LRP1B: variants seen among roughly 807,000 people sequenced by gnomAD.
LRP1B encodes LDL receptor related protein 1B.
Under a neutral mutation model 556.6 loss-of-function variants are expected in LRP1B, and 217 were observed. That is an observed-to-expected ratio of 0.39 (90% confidence interval 0.35 to 0.44). The LOEUF (loss-of-function observed/expected upper bound fraction) is 0.44. LRP1B is among the 20% of genes least tolerant of loss of function. The probability of loss-of-function intolerance (pLI) is 1.00; values close to 1 mark genes in which losing one functional copy is unlikely to be tolerated. For synonymous variants in LRP1B, 2,047 were observed against 1,865.8 expected, an observed-to-expected ratio of 1.10 and a Z score of -2.50; for missense variants, 5,053 against 5,620.8, an observed-to-expected ratio of 0.90 and a Z score of 3.23.
At chr2:140,613,320 T>C (rs1277596062) in intron 41 of LRP1B, among the ~76,000 whole-genome samples, 2 of 129,166 alleles carry the variant, frequency 1.5e-5, no homozygotes, top group African/African-American at 5.4e-5. Flanking sequence ...TATAATTATA[T>C]AAATATATAT....
chr2:141,981,542 T>C (rs1221960644), intron 1 of LRP1B, among the ~76,000 whole-genome samples: 2 of 152,120 alleles, frequency 1.3e-5, no homozygotes, highest in East Asian at 3.9e-4. Context: ...TGGCATTTTA[T>C]TCTGTGTTCG....
chr2:140,511,265 G>T, intron 51 of LRP1B, among the ~76,000 whole-genome samples: 1 of 146,752 alleles, frequency 6.8e-6, no homozygotes. Context: ...TAAGCAGTGG[G>T]GTATCAAAAT....
chr2:141,400,769 T>C (rs1690422954), intron 3 of LRP1B, among the ~76,000 whole-genome samples: 3 of 152,194 alleles, frequency 2.0e-5, no homozygotes, highest in Non-Finnish European at 2.9e-5. Flanking sequence ...ACCAAGCACA[T>C]CAAATATTTA....
At chr2:140,266,968 C>T (rs1682233591) in intron 86 of LRP1B, among the ~76,000 whole-genome samples, 1 of 152,026 alleles carries the variant, frequency 6.6e-6, no homozygotes, top group Admixed American at 6.6e-5. Context: ...AGAGTTATAA[C>T]CAGGGTACGC....
At chr2:141,134,827 A>G (rs886960497) in intron 7 of LRP1B, among the ~76,000 whole-genome samples, 1 of 151,422 alleles carries the variant, frequency 6.6e-6, no homozygotes, top group Non-Finnish European at 1.5e-5. Flanking sequence ...TTATATTATT[A>G]TTTTTCATTT....
intron 30 of LRP1B, among the ~76,000 whole-genome samples, chr2:140,840,546 T>C (rs1427519097): frequency 1.3e-5 from 2 of 152,144 alleles, no homozygotes; most frequent in African/African-American, 4.8e-5. Context: ...ATCCAAATGA[T>C]TGAAGAATCT....
chr2:141,700,110 T>C (rs186363025), intron 2 of LRP1B, among the ~76,000 whole-genome samples: 4 of 151,682 alleles, frequency 2.6e-5, no homozygotes, highest in Admixed American at 2.0e-4. Flanking sequence ...TTCTGTTCAT[T>C]AGGCTTCTGG....
intron 82 of LRP1B, among the ~76,000 whole-genome samples, chr2:140,320,538 C>A (rs368565215): frequency 2.3e-4 from 35 of 152,090 alleles, no homozygotes; most frequent in African/African-American, 6.7e-4. Context: ...AATGTCTGTA[C>A]CTCATTGGAA....
chr2:141,792,593 G>C (rs149000072), intron 2 of LRP1B, among the ~76,000 whole-genome samples: 8 of 151,926 alleles, frequency 5.3e-5, no homozygotes, highest in African/African-American at 1.9e-4. Flanking sequence ...TTTCCTAATC[G>C]CTAACAAGTT....
chr2:141,762,527 G>A (rs1055770598), intron 2 of LRP1B, among the ~76,000 whole-genome samples: 1 of 151,702 alleles, frequency 6.6e-6, no homozygotes, highest in African/African-American at 2.4e-5. Context: ...AATATATGGA[G>A]GTTATATATA....
chr2:141,857,888 C>G (rs911555854), intron 1 of LRP1B, among the ~76,000 whole-genome samples: 1 of 152,070 alleles, frequency 6.6e-6, no homozygotes, highest in Non-Finnish European at 1.5e-5. Flanking sequence ...TCACCTTAGC[C>G]CTTTTCCTGG....
chr2:141,544,329 T>TTCTTCTTCTTC (rs1685422437), intron 2 of LRP1B, among the ~76,000 whole-genome samples: 1 of 31,732 alleles, frequency 3.2e-5, no homozygotes, highest in Admixed American at 4.3e-4. Flanking sequence ...CTTCTTCTTC[T>TTCTTCTTCTTC]TCTTCTTCTT....
At chr2:141,791,707 G>C (rs1486014371) in intron 2 of LRP1B, among the ~76,000 whole-genome samples, 1 of 151,978 alleles carries the variant, frequency 6.6e-6, no homozygotes, top group East Asian at 1.9e-4. Flanking sequence ...GAACCAATGA[G>C]ACAGGACACA....
chr2:141,059,465 C>G (rs1012564013), intron 8 of LRP1B, among the ~76,000 whole-genome samples: 2 of 151,680 alleles, frequency 1.3e-5, no homozygotes, highest in African/African-American at 4.8e-5. Context: ...ACATAGCTCT[C>G]CCTGTGAAAA....
chr2:140,683,220 G>C, intron 41 of LRP1B: 1 of 230,766 alleles, frequency 4.3e-6, no homozygotes, highest in Non-Finnish European at 8.6e-6. Context: ...AACAATAGGA[G>C]GGTTATTGAA....
chr2:141,154,250 T>A (rs911744102), intron 7 of LRP1B, among the ~76,000 whole-genome samples: 3 of 151,886 alleles, frequency 2.0e-5, no homozygotes, highest in African/African-American at 4.8e-5. Context: ...ACAATAAACA[T>A]CTCACATCTT....
At chr2:140,803,624 AT>A (rs1394369971) in intron 32 of LRP1B, among the ~76,000 whole-genome samples, 3 of 151,896 alleles carry the variant, frequency 2.0e-5, no homozygotes, top group African/African-American at 7.3e-5. Flanking sequence ...ACAAAACATA[AT>A]GCAAAACCTC....
rs1249836520 is a variant in LRP1B, at chr2:140,778,043, T to C, written c.5360-1805A>G. ...GGGGGAAAAAAATGCCAGTTTTACT[T>C]AAAAATTACCTTAATTGATCAATAA... On this transcript the variant is annotated intron_variant, in intron 32 of 90. Coordinates refer to ENST00000389484, the MANE Select transcript of LRP1B (RefSeq NM_018557.3). Among the ~76,000 whole-genome samples the C allele has an allele frequency of 1.4e-4, 21 of 149,680 alleles. 1 individual carries two copies. The South Asian group carries it at 4.5e-3, about 32-fold the overall frequency.
rs142418132 is a variant in LRP1B at position 141,721,536 on chromosome 2, T to C, written c.205+88743A>G. ...TACCTAATTTTTAAAAACTTCATAA[T>C]AGTTTTTAATTCAGATTAATGTATT... is the stretch of plus-strand genomic sequence containing the variant. On this transcript the variant is annotated intron_variant, in intron 2 of 90. Transcript: ENST00000389484. Among the ~76,000 whole-genome samples the C allele has an allele frequency of 1.9e-3, 296 of 152,294 alleles. 2 individuals are homozygous for C. Among genetic ancestry groups the C allele is most frequent in the African/African-American group, 6.9e-3 (288 of 41,584 alleles).
Sources: gnomAD v4.1 joint callset for allele counts (sites outside exome capture counted in the v4.1 genomes callset) on GRCh38, gnomAD v4.1.1 for gene constraint, MANE v1.5 for transcripts, NCBI Gene and HGNC (gene_info 2026-07-23, HGNC 2026-07-21) for gene names.